FSIP1: variants seen among roughly 807,000 people sequenced by gnomAD.
The protein encoded by FSIP1 is fibrous sheath-interacting protein 1.
FSIP1 carries 65 observed loss-of-function variants against 60.9 expected under a neutral mutation model. The observed-to-expected ratio is 1.07, with a 90% CI of 0.87 to 1.31. FSIP1 has a LOEUF of 1.31. Ranked by LOEUF, FSIP1 falls within the 40% of genes most tolerant of loss-of-function variation. The pLI is 0.00. For missense variants in FSIP1, 675 were observed against 665.5 expected (o/e 1.01, Z -0.16); for synonymous variants, 209 against 221.2 (o/e 0.94, Z 0.49).
At chr15:39,722,164 A>G (rs28585060) in intron 9 of FSIP1, among the ~76,000 whole-genome samples, 18,008 of 151,886 alleles carry the variant, frequency 0.12, 1,281 homozygotes, top group African/African-American at 0.2. Flanking sequence ...GAACCCTATC[A>G]TGAACTGCAC....
intron 10 of FSIP1, among the ~76,000 whole-genome samples, chr15:39,668,710 G>C (rs942171314): frequency 6.6e-6 from 1 of 152,196 alleles, no homozygotes; most frequent in African/African-American, 2.4e-5. Context: ...GGGAGATCAG[G>C]TCAGTTGGAA....
At chr15:39,653,133 G>T (rs1390946094) in intron 10 of FSIP1, among the ~76,000 whole-genome samples, 1 of 147,192 alleles carries the variant, frequency 6.8e-6, no homozygotes, top group African/African-American at 2.5e-5. Context: ...TGGAGACCAC[G>T]CCAGTGCACC....
intron 10 of FSIP1, among the ~76,000 whole-genome samples, chr15:39,683,157 A>C (rs1894231955): frequency 6.6e-6 from 1 of 152,192 alleles, no homozygotes; most frequent in African/African-American, 2.4e-5. Flanking sequence ...ACACTGGTCC[A>C]AACACAAGCC....
rs1303772962 is a variant in FSIP1 at position 39,766,418 on chromosome 15, G to A, written c.311-672C>T. 2.0e-5 allele frequency among the ~76,000 whole-genome samples: 3 copies of A among 152,202 alleles called. No homozygotes were observed. The Middle Eastern group carries it at 0.01, about 518-fold the overall frequency. On this transcript the variant is annotated intron_variant, in intron 3 of 11. Coordinates refer to ENST00000350221, the MANE Select transcript of FSIP1 (RefSeq NM_152597.5). ...TAACATTTATAGAGTTACCTGATAG[G>A]CACAGTTTTAAGTGCTTTATTTTTA... is the stretch of plus-strand genomic sequence containing the variant.
intron 8 of FSIP1, among the ~76,000 whole-genome samples, chr15:39,733,963 A>T (rs758810572): frequency 7.9e-5 from 12 of 152,178 alleles, no homozygotes; most frequent in Non-Finnish European, 1.6e-4. Context: ...GATACCTCCC[A>T]AAAGGAGAAA....
chr15:39,730,714 T>C (rs1896372189), intron 8 of FSIP1, among the ~76,000 whole-genome samples: 1 of 152,112 alleles, frequency 6.6e-6, no homozygotes, highest in South Asian at 2.1e-4. Context: ...ACAAATGACC[T>C]AGATTCAGCT....
intron 10 of FSIP1, among the ~76,000 whole-genome samples, chr15:39,640,425 T>C (rs1233548728): frequency 1.3e-5 from 2 of 152,190 alleles, no homozygotes; most frequent in Non-Finnish European, 2.9e-5. Flanking sequence ...TGCATTATGT[T>C]TGGGACCTGT....
At chr15:39,779,889 G>A (rs1456822033) in intron 1 of FSIP1, among the ~76,000 whole-genome samples, 3 of 152,166 alleles carry the variant, frequency 2.0e-5, no homozygotes, top group African/African-American at 7.2e-5. Context: ...CCTCTGTTTA[G>A]TCATTATGAG....
intron 9 of FSIP1, among the ~76,000 whole-genome samples, chr15:39,713,789 A>T (rs1416670515): frequency 6.6e-6 from 1 of 152,188 alleles, no homozygotes; most frequent in Non-Finnish European, 1.5e-5. Flanking sequence ...AAGGAACCCA[A>T]CTTCTGTAAT....
At chr15:39,670,848 A>C (rs1291982479) in intron 10 of FSIP1, among the ~76,000 whole-genome samples, 1 of 152,260 alleles carries the variant, frequency 6.6e-6, no homozygotes, top group African/African-American at 2.4e-5. Context: ...GCACTTACGC[A>C]ACATTTTTAT....
downstream of FSIP1, chr15:39,599,044 G>A (rs1267330202): frequency 1.3e-5 from 2 of 152,110 alleles, no homozygotes; most frequent in Non-Finnish European, 2.9e-5. Flanking sequence ...TCCTGCCTCA[G>A]CCTCCCAAGT....
intron 5 of FSIP1, among the ~76,000 whole-genome samples, chr15:39,755,300 C>T (rs1897267670): frequency 6.6e-6 from 1 of 151,972 alleles, no homozygotes; most frequent in Non-Finnish European, 1.5e-5. Context: ...AATAAGAGTA[C>T]CTTCCCTCCA....
In FSIP1 at chr15:39,618,175, T is replaced by A. The variant is rs1891309720; in HGVS notation, c.1259A>T (p.Lys420Ile). ...CLLDECILKQ[K>I]SIIKLSSERK... ...TTCTGAAGAAAGTTTAATGATGGATTTTTGTTTAAGTATGCATTCATCCAG... is the reference window on the plus strand; with the variant it reads ...TTCTGAAGAAAGTTTAATGATGGATATTTGTTTAAGTATGCATTCATCCAG... The change falls in exon 11 of 12, where the codon AAA becomes ATA. Residue 420 changes from lysine (K) to isoleucine (I), a missense_variant. Transcript: ENST00000350221. The A allele has an allele frequency of 2.5e-6, 4 of 1,614,010 alleles. No individual in the cohort carries two copies. Among genetic ancestry groups the A allele is most frequent in the Non-Finnish European group, 3.4e-6 (4 of 1,179,898 alleles).
At chr15:39,670,157 T>C (rs1893659614) in intron 10 of FSIP1, among the ~76,000 whole-genome samples, 1 of 152,206 alleles carries the variant, frequency 6.6e-6, no homozygotes, top group Non-Finnish European at 1.5e-5. Flanking sequence ...ATGGTCATTC[T>C]AAACCCCTAA....
chr15:39,664,461 A>T (rs1027365056), intron 10 of FSIP1, among the ~76,000 whole-genome samples: 10 of 152,230 alleles, frequency 6.6e-5, no homozygotes, highest in African/African-American at 2.4e-4. Flanking sequence ...CTTTAGGACT[A>T]CAGCAAAATC....
At chr15:39,692,058 G>A (rs975036917) in intron 10 of FSIP1, among the ~76,000 whole-genome samples, 2 of 151,496 alleles carry the variant, frequency 1.3e-5, no homozygotes, top group African/African-American at 4.9e-5. Flanking sequence ...CTACAAAGTC[G>A]AAAAAAAAAA....
intron 3 of FSIP1, among the ~76,000 whole-genome samples, chr15:39,770,064 T>C (rs1435183564): frequency 6.6e-6 from 1 of 152,130 alleles, no homozygotes; most frequent in Non-Finnish European, 1.5e-5. Context: ...AAAATCCAAA[T>C]GTTATTGGGT....
At chr15:39,661,608 A>G (rs985788339) in intron 10 of FSIP1, among the ~76,000 whole-genome samples, 33 of 152,214 alleles carry the variant, frequency 2.2e-4, no homozygotes. Context: ...GTGGAAATTC[A>G]TTTTGCCCAA....
chr15:39,646,520 C>CAA (rs71132108), intron 10 of FSIP1, among the ~76,000 whole-genome samples: 5,018 of 26,984 alleles, frequency 0.19, 1,459 homozygotes, highest in Non-Finnish European at 0.21. Flanking sequence ...CTCATCTCTA[C>CAA]AAAAAAAAAA....
Sources: allele counts gnomAD v4.1 joint callset (sites outside exome capture counted in the v4.1 genomes callset), GRCh38; gene constraint gnomAD v4.1.1; transcripts MANE v1.5; gene names NCBI Gene and HGNC (gene_info 2026-07-23, HGNC 2026-07-21).